Variants in PKHD1 observed in about 807,000 individuals in gnomAD.
PKHD1 encodes the protein fibrocystin.
PKHD1 carries 291 observed loss-of-function variants against 412.0 expected under a neutral mutation model. That is an observed-to-expected ratio of 0.71 (90% CI 0.64 to 0.78). The LOEUF is 0.78. Among genes scored for constraint, PKHD1 ranks in the 30% least tolerant of loss-of-function variants. The pLI, the probability that PKHD1 is intolerant of heterozygous loss-of-function variation, is 0.00. For synonymous variants in PKHD1, 1,777 were observed against 1,821.5 expected (o/e 0.98, Z 0.62); for missense variants, 4,825 against 4,950.7 (o/e 0.97, Z 0.76).
At chr6:52,035,276 C>A (rs969477029) in intron 28 of PKHD1, among the ~76,000 whole-genome samples, 1 of 152,126 alleles carries the variant, frequency 6.6e-6, no homozygotes, top group African/African-American at 2.4e-5. Context: ...AATATATAAG[C>A]CTTGCAAGCC....
Position 52,058,483 on chromosome 6 carries a change from A to G in PKHD1, c.1352T>C (p.Met451Thr). 3 of 1,614,160 alleles carry G rather than the reference A, an allele frequency of 1.9e-6. No homozygotes were observed. Among genetic ancestry groups the G allele is most frequent in the Non-Finnish European group, 2.5e-6 (3 of 1,179,988 alleles). The change falls in exon 16 of 67, where the codon ATG becomes ACG. Residue 451 changes from methionine (M) to threonine (T), a missense_variant. Transcript: ENST00000371117. ...ATGATGCTCTGCTTCCAGGTAGTAC[A>G]TGGCTCCACCCAACAGCTCCAACTT... ...TPKLELLGGA[M>T]YYLEAEHHGI...
chr6:51,889,387 C>T (rs1778754359), intron 43 of PKHD1, among the ~76,000 whole-genome samples: 1 of 152,222 alleles, frequency 6.6e-6, no homozygotes, highest in Non-Finnish European at 1.5e-5. Flanking sequence ...ACGCTGTGAG[C>T]ATCCCCTTGG....
intron 52 of PKHD1, among the ~76,000 whole-genome samples, chr6:51,793,737 T>C (rs1229203245): frequency 1.3e-5 from 2 of 152,248 alleles, no homozygotes; most frequent in Admixed American, 6.5e-5. Context: ...TATTCCATTG[T>C]ATCTATGTAC....
In PKHD1 at chr6:51,664,673, C is replaced by T. The variant is rs943837972; in HGVS notation, c.10157-4704G>A. Among the ~76,000 whole-genome samples the T allele has an allele frequency of 4.6e-5, 7 of 152,202 alleles. No homozygotes were observed. The East Asian group carries it at 1.3e-3, about 29-fold the overall frequency. On this transcript the variant is annotated intron_variant, in intron 60 of 66. Transcript: ENST00000371117. ...TAAGCACTGTGTTAAAACTAGAGATCAAATGCCAGGCTTCTCAACTATGTG... is the reference window on the plus strand; with the variant it reads ...TAAGCACTGTGTTAAAACTAGAGATTAAATGCCAGGCTTCTCAACTATGTG...
At chr6:51,850,482 G>T (rs1413953471) in intron 49 of PKHD1, among the ~76,000 whole-genome samples, 1 of 152,168 alleles carries the variant, frequency 6.6e-6, no homozygotes, top group South Asian at 2.1e-4. Flanking sequence ...ATTACTTTGG[G>T]CAGTATAGCC....
intron 35 of PKHD1, among the ~76,000 whole-genome samples, chr6:51,981,393 C>T (rs1227255914): frequency 1.4e-5 from 2 of 140,898 alleles, no homozygotes; most frequent in East Asian, 4.2e-4. Flanking sequence ...CCTCTGATGC[C>T]GAGCCAAGGC....
At chr6:51,920,144 C>A (rs530177689) in intron 37 of PKHD1, among the ~76,000 whole-genome samples, 1 of 152,350 alleles carries the variant, frequency 6.6e-6, no homozygotes, top group Non-Finnish European at 1.5e-5. Context: ...ATGGCCCAGG[C>A]CAGAACTTCC....
chr6:51,963,388 A>T (rs996248892), intron 35 of PKHD1, among the ~76,000 whole-genome samples: 5 of 152,130 alleles, frequency 3.3e-5, no homozygotes, highest in Admixed American at 6.6e-5. Flanking sequence ...TCCCCTTAGC[A>T]TAACAAAGAT....
chr6:51,847,325 CTCCTAGACTAAAGCACAGCCA>C (rs1771367898), intron 50 of PKHD1, among the ~76,000 whole-genome samples: 1 of 141,856 alleles, frequency 7.0e-6, no homozygotes, highest in Non-Finnish European at 1.5e-5. Context: ...TGGTCTCAAA[CTCCTAGACTAAAGCACAGCCA>C]TCCATCTTTA....
chr6:52,033,717 G>A (rs1385220008), intron 28 of PKHD1, among the ~76,000 whole-genome samples: 1 of 151,988 alleles, frequency 6.6e-6, no homozygotes, highest in Admixed American at 6.5e-5. Context: ...AAAATCTGTA[G>A]AATAAACCTA....
In PKHD1 at chr6:52,054,155, G is replaced by T; in HGVS notation, c.1847C>A (p.Ala616Glu). 5 of 1,613,820 alleles carry T rather than the reference G, an allele frequency of 3.1e-6. No homozygotes were observed. The highest frequency in any genetic ancestry group is 4.2e-6 in the Non-Finnish European group (5 of 1,179,746). Residue 616 changes from alanine (A) to glutamate (E), a missense_variant, in exon 20 of 67, where the codon GCA becomes GAA. Transcript: ENST00000371117. ...GATCTTGTTCATGTGGCCTTTGTATGCAAGACACAGCTATGGACACCAAAT... is the reference window on the plus strand; with the variant it reads ...GATCTTGTTCATGTGGCCTTTGTATTCAAGACACAGCTATGGACACCAAAT... ...RLDQYTHLCL[A>E]YKGHMNKILK...
intron 35 of PKHD1, among the ~76,000 whole-genome samples, chr6:51,992,787 T>C (rs542514126): frequency 1.5e-4 from 23 of 152,206 alleles, no homozygotes; most frequent in Non-Finnish European, 3.1e-4. Flanking sequence ...TAAATTCCTA[T>C]CTCAAATGTG....
chr6:52,087,409 G>A (rs1373487136), intron 1 of PKHD1, 25 bp downstream of exon 1: 1 of 152,186 alleles, frequency 6.6e-6, no homozygotes, highest in African/African-American at 2.4e-5. Context: ...ACAGAGAGCA[G>A]AGACTTTTCT....
At chr6:51,989,022 A>G (rs533374682) in intron 35 of PKHD1, among the ~76,000 whole-genome samples, 9 of 152,338 alleles carry the variant, frequency 5.9e-5, no homozygotes, top group Admixed American at 5.2e-4. Flanking sequence ...TCTGCCTAAA[A>G]AATATTTCTC....
intron 43 of PKHD1, among the ~76,000 whole-genome samples, chr6:51,893,563 GA>G (rs1562551047): frequency 6.6e-6 from 1 of 152,164 alleles, no homozygotes; most frequent in Non-Finnish European, 1.5e-5. Context: ...GATTCATGAG[GA>G]AAAACCACAT....
At chr6:51,952,748 C>CA (rs1162554006) in intron 36 of PKHD1, among the ~76,000 whole-genome samples, 1 of 151,954 alleles carries the variant, frequency 6.6e-6, no homozygotes, top group Non-Finnish European at 1.5e-5. Flanking sequence ...GAGTGAACTT[C>CA]AAAAAAACTC....
At chr6:51,777,300 A>G (rs549765995) in intron 53 of PKHD1, among the ~76,000 whole-genome samples, 8 of 152,258 alleles carry the variant, frequency 5.3e-5, no homozygotes, top group Non-Finnish European at 7.4e-5. Flanking sequence ...AGCTTGCTAC[A>G]TACCTATTTT....
intron 52 of PKHD1, among the ~76,000 whole-genome samples, chr6:51,823,771 A>C (rs1251300064): frequency 6.6e-6 from 1 of 152,040 alleles, no homozygotes; most frequent in Non-Finnish European, 1.5e-5. Context: ...TTTAATTCCC[A>C]CTCCTAATTG....
chr6:51,924,473 A>G (rs115717893), intron 37 of PKHD1, among the ~76,000 whole-genome samples: 9 of 152,354 alleles, frequency 5.9e-5, no homozygotes, highest in Non-Finnish European at 1.0e-4. Context: ...AAAGCCACTG[A>G]AGAGTTTTGA....
Sources: allele counts gnomAD v4.1 joint callset (sites outside exome capture counted in the v4.1 genomes callset), GRCh38; gene constraint gnomAD v4.1.1; transcripts MANE v1.5; gene names NCBI Gene and HGNC (gene_info 2026-07-23, HGNC 2026-07-21).